TMEFF2: variants seen among roughly 807,000 people sequenced by gnomAD.
TMEFF2 encodes tomoregulin-2.
A neutral mutation model predicts 53.8 loss-of-function variants in TMEFF2; 28 were observed. That is an observed-to-expected ratio of 0.52 (90% CI 0.39 to 0.71). The LOEUF (loss-of-function observed/expected upper bound fraction) is 0.71. Ranked by LOEUF, TMEFF2 falls within the 30% of genes least tolerant of loss-of-function variation. TMEFF2 has a pLI of 0.00. For synonymous variants in TMEFF2, 162 were observed against 166.3 expected (o/e 0.97, Z 0.20); for missense variants, 353 against 455.2 (o/e 0.78, Z 2.04).
intron 4 of TMEFF2, among the ~76,000 whole-genome samples, chr2:192,163,222 G>T (rs888914878): frequency 6.6e-6 from 1 of 152,106 alleles, no homozygotes; most frequent in Non-Finnish European, 1.5e-5. Context: ...AAAATTGATG[G>T]CAAATATAGG....
Position 191,953,780 on chromosome 2 carries a change from G to T in TMEFF2, c.927C>A (p.Tyr309Ter). 6.2e-7 allele frequency: 1 copy of T among 1,612,866 alleles called. No individual in the cohort carries two copies. The highest frequency in any genetic ancestry group is 8.5e-7 in the Non-Finnish European group (1 of 1,179,374). Residue 309 changes from tyrosine (Y) to a stop codon, truncating the protein, a stop_gained, in exon 9 of 10, where the codon TAC becomes TAA. Transcript: ENST00000272771. LOFTEE classifies it high-confidence loss of function. Reference protein sequence around the residue: ...HCEKKDYSVLYVVPGPVRFQY... With the variant: ...HCEKKDYSVL ...GAAATCGTACAGGACCGGGAACAAC[G>T]TATAGAACACTGTAGTCCTTTTTTT... is the stretch of plus-strand genomic sequence containing the variant.
At chr2:191,963,697 A>T (rs1167885750) in intron 7 of TMEFF2, among the ~76,000 whole-genome samples, 2 of 152,234 alleles carry the variant, frequency 1.3e-5, no homozygotes, top group Non-Finnish European at 2.9e-5. Flanking sequence ...AGTAGCTATT[A>T]TGTGTCTGGC....
intron 4 of TMEFF2, among the ~76,000 whole-genome samples, chr2:192,148,387 C>T (rs1012785691): frequency 1.3e-5 from 2 of 152,044 alleles, no homozygotes; most frequent in East Asian, 3.9e-4. Flanking sequence ...TATACTTGAT[C>T]GACAGTCCAT....
intron 4 of TMEFF2, among the ~76,000 whole-genome samples, chr2:192,080,710 G>T (rs1688531998): frequency 6.6e-6 from 1 of 152,084 alleles, no homozygotes; most frequent in Admixed American, 6.6e-5. Flanking sequence ...CTACAATAAA[G>T]ACTTGAACTA....
intron 5 of TMEFF2, among the ~76,000 whole-genome samples, chr2:192,053,556 A>G (rs944908244): frequency 3.3e-5 from 5 of 152,352 alleles, no homozygotes; most frequent in African/African-American, 1.2e-4. Flanking sequence ...ATTATTTCAT[A>G]ATGCAGGATT....
intron 7 of TMEFF2, among the ~76,000 whole-genome samples, chr2:191,974,011 G>C (rs1193866839): frequency 6.6e-6 from 1 of 152,032 alleles, no homozygotes. Flanking sequence ...ATCCAATCTT[G>C]GATATGTCTT....
At chr2:192,032,980 C>T (rs1290991451) in intron 5 of TMEFF2, among the ~76,000 whole-genome samples, 1 of 152,010 alleles carries the variant, frequency 6.6e-6, no homozygotes, top group Non-Finnish European at 1.5e-5. Context: ...TTATTTAATA[C>T]CTACACTAGT....
chr2:192,137,343 A>G (rs939248331), intron 4 of TMEFF2, among the ~76,000 whole-genome samples: 1 of 152,202 alleles, frequency 6.6e-6, no homozygotes, highest in African/African-American at 2.4e-5. Flanking sequence ...CCTGGGGCAG[A>G]AAAGTCCAGG....
intron 5 of TMEFF2, among the ~76,000 whole-genome samples, chr2:192,029,676 C>T (rs1307687536): frequency 6.6e-6 from 1 of 152,098 alleles, no homozygotes; most frequent in Non-Finnish European, 1.5e-5. Context: ...CCCCAAAGAG[C>T]TTTTATTTAT....
At chr2:192,088,662 C>G (rs1246942061) in intron 4 of TMEFF2, among the ~76,000 whole-genome samples, 1 of 152,150 alleles carries the variant, frequency 6.6e-6, no homozygotes, top group Non-Finnish European at 1.5e-5. Flanking sequence ...CCCAAGTACT[C>G]AAGTTTGTTC....
intron 4 of TMEFF2, among the ~76,000 whole-genome samples, chr2:192,164,602 C>T (rs1306033244): frequency 1.3e-5 from 2 of 151,976 alleles, no homozygotes; most frequent in Non-Finnish European, 2.9e-5. Flanking sequence ...GTGGTATGTG[C>T]CTGCAATCCC....
At chr2:192,018,097 G>T (rs1368722615) in intron 5 of TMEFF2, among the ~76,000 whole-genome samples, 1 of 152,134 alleles carries the variant, frequency 6.6e-6, no homozygotes, top group Non-Finnish European at 1.5e-5. Flanking sequence ...AGGGGAGGGG[G>T]AGAATTTGTA....
chr2:192,144,287 T>A (rs1359501492), intron 4 of TMEFF2, among the ~76,000 whole-genome samples: 1 of 152,082 alleles, frequency 6.6e-6, no homozygotes, highest in Non-Finnish European at 1.5e-5. Flanking sequence ...ATGATTAGTA[T>A]GAAAGATTAA....
intron 4 of TMEFF2, among the ~76,000 whole-genome samples, chr2:192,128,360 A>G (rs1689728670): frequency 6.6e-6 from 1 of 152,234 alleles, no homozygotes; most frequent in East Asian, 1.9e-4. Context: ...TGACAAACAA[A>G]ATATTGCAAT....
intron 9 of TMEFF2, among the ~76,000 whole-genome samples, chr2:191,953,094 A>G (rs1294999162): frequency 6.6e-6 from 1 of 152,046 alleles, no homozygotes; most frequent in Non-Finnish European, 1.5e-5. Flanking sequence ...TCATTCCTTT[A>G]CTCCAAGCCC....
At chr2:192,167,651 G>A (rs959044679) in intron 4 of TMEFF2, among the ~76,000 whole-genome samples, 4 of 151,614 alleles carry the variant, frequency 2.6e-5, no homozygotes, top group Admixed American at 6.6e-5. Context: ...TTTTATATTC[G>A]ATCAGAGCAT....
At chr2:192,176,206 G>T (rs1031114011) in intron 4 of TMEFF2, among the ~76,000 whole-genome samples, 5 of 151,188 alleles carry the variant, frequency 3.3e-5, no homozygotes, top group Admixed American at 6.6e-5. Context: ...TTGGAATTTG[G>T]ACCACATATT....
At chr2:191,953,544 T>C (rs1483634355) in intron 9 of TMEFF2, 135 bp downstream of exon 9, 2 of 893,766 alleles carry the variant, frequency 2.2e-6, no homozygotes, top group East Asian at 2.7e-5. Flanking sequence ...AATACTCTTA[T>C]GCTAAGGACA....
intron 3 of TMEFF2, 77 bp from the exon 4 acceptor site, chr2:192,179,771 T>C: frequency 1.5e-6 from 2 of 1,371,992 alleles, no homozygotes; most frequent in Non-Finnish European, 1.9e-6. Flanking sequence ...AAGTTTATTT[T>C]CTTAGTTTAA....
Sources: allele counts gnomAD v4.1 joint callset (sites outside exome capture counted in the v4.1 genomes callset), GRCh38; gene constraint gnomAD v4.1.1; transcripts MANE v1.5; gene names NCBI Gene and HGNC (gene_info 2026-07-23, HGNC 2026-07-21).